IGSF11: variants seen among roughly 807,000 people sequenced by gnomAD.
IGSF11 encodes the protein CXADR like 1.
IGSF11 carries 22 observed loss-of-function variants against 41.0 expected under a neutral mutation model. The ratio of observed to expected loss-of-function variants is 0.54; its 90% CI spans 0.38 to 0.77. The LOEUF is 0.77. Among genes scored for constraint, IGSF11 ranks in the 30% least tolerant of loss-of-function variants. IGSF11 has a pLI of 0.00. For synonymous variants in IGSF11, 219 were observed against 201.3 expected (o/e 1.09, Z -0.74); for missense variants, 444 against 530.8 (o/e 0.84, Z 1.61).
intron 1 of IGSF11, among the ~76,000 whole-genome samples, chr3:119,055,540 C>A (rs778115818): frequency 4.6e-5 from 7 of 152,188 alleles, no homozygotes; most frequent in Non-Finnish European, 8.8e-5. Flanking sequence ...TAACAACCCA[C>A]TGTCAACATT....
intron 1 of IGSF11, among the ~76,000 whole-genome samples, chr3:118,977,870 C>A (rs1314011173): frequency 6.6e-6 from 1 of 152,176 alleles, no homozygotes; most frequent in African/African-American, 2.4e-5. Context: ...GCCTAGCCCA[C>A]AATGGACTAC....
At chr3:119,066,189 T>G (rs1942228794) in intron 1 of IGSF11, among the ~76,000 whole-genome samples, 1 of 152,190 alleles carries the variant, frequency 6.6e-6, no homozygotes, top group African/African-American at 2.4e-5. Context: ...GATTAACTGA[T>G]CCAGGATGAT....
At chr3:119,109,575 G>C (rs546797481), upstream of IGSF11, among the ~76,000 whole-genome samples, 66 of 152,134 alleles carry the variant, frequency 4.3e-4, no homozygotes, top group African/African-American at 1.5e-3. Context: ...AGGGTTTTTT[G>C]TGTCTCTATT....
chr3:119,078,069 G>A (rs1480585174), intron 1 of IGSF11, among the ~76,000 whole-genome samples: 4 of 151,972 alleles, frequency 2.6e-5, no homozygotes, highest in Non-Finnish European at 2.9e-5. Context: ...AGAAAACATC[G>A]ATATTATTAA....
intron 1 of IGSF11, among the ~76,000 whole-genome samples, chr3:119,001,966 T>C (rs1333873785): frequency 1.5e-5 from 2 of 135,990 alleles, no homozygotes; most frequent in Non-Finnish European, 3.1e-5. Flanking sequence ...GCATGATTTA[T>C]AGTCCTTTGG....
At chr3:118,977,854 T>C (rs945193463) in intron 1 of IGSF11, among the ~76,000 whole-genome samples, 1 of 152,144 alleles carries the variant, frequency 6.6e-6, no homozygotes, top group East Asian at 1.9e-4. Flanking sequence ...CAGTGCCATT[T>C]TAAGAGCCTA....
At chr3:118,935,375 T>TACACACAC (rs551306391) in intron 1 of IGSF11, among the ~76,000 whole-genome samples, 72 of 113,526 alleles carry the variant, frequency 6.3e-4, no homozygotes, top group Middle Eastern at 4.1e-3. Flanking sequence ...CTGAGATATA[T>TACACACAC]ACACACACAC....
chr3:118,955,549 T>C (rs1021756901), intron 1 of IGSF11, among the ~76,000 whole-genome samples: 1 of 152,146 alleles, frequency 6.6e-6, no homozygotes, highest in Non-Finnish European at 1.5e-5. Flanking sequence ...TTAATCTCCT[T>C]GTACAGCTCC....
intron 1 of IGSF11, among the ~76,000 whole-genome samples, chr3:118,952,388 T>C (rs1944640035): frequency 1.3e-5 from 2 of 152,180 alleles, no homozygotes; most frequent in Non-Finnish European, 1.5e-5. Flanking sequence ...CAGCAGAAAC[T>C]CTTTCAAAAT....
intron 1 of IGSF11, chr3:119,013,203 AAGTCCATCCTTCT>A (rs1938330189): frequency 6.6e-6 from 1 of 152,226 alleles, no homozygotes; most frequent in Non-Finnish European, 1.5e-5. Context: ...GAAGTTCAGC[AAGTCCATCCTTCT>A]AGGCTCACTT....
chr3:118,914,168 T>C (rs956955039), intron 4 of IGSF11, among the ~76,000 whole-genome samples: 9 of 152,002 alleles, frequency 5.9e-5, no homozygotes, highest in African/African-American at 2.2e-4. Flanking sequence ...AAAAATATTA[T>C]AAAGAATATT....
At chr3:118,914,155 A>G (rs1940733054) in intron 4 of IGSF11, among the ~76,000 whole-genome samples, 1 of 152,238 alleles carries the variant, frequency 6.6e-6, no homozygotes, top group African/African-American at 2.4e-5. Context: ...AAAGTAGAGG[A>G]GAAAAAATAT....
upstream of IGSF11, among the ~76,000 whole-genome samples, chr3:119,107,370 CT>C (rs1359822921): frequency 6.6e-6 from 1 of 152,224 alleles, no homozygotes; most frequent in East Asian, 1.9e-4. Context: ...TGTCTTTTGG[CT>C]GCATAAATGT....
chr3:119,030,853 G>T (rs953247727), intron 1 of IGSF11, among the ~76,000 whole-genome samples: 8 of 152,100 alleles, frequency 5.3e-5, no homozygotes, highest in African/African-American at 1.9e-4. Flanking sequence ...TTAGAAAACA[G>T]AAATTCAGCA....
Position 119,110,368 on chromosome 3 carries a change from C to A in IGSF11, c.-13-5163G>T, listed in dbSNP as rs1021998232. ...AATGGCCTTCTTTGTCTCTTTTGAT[C>A]TTTGTTGGTTTAAAGTCTGTTTTAT... On this transcript the variant is annotated intron_variant, in intron 1 of 7. Transcript: ENST00000425327. Among the ~76,000 whole-genome samples the A allele has an allele frequency of 3.9e-5, 6 of 152,124 alleles. 1 individual carries two copies. Among genetic ancestry groups the A allele is most frequent in the East Asian group, 3.9e-4 (2 of 5,176 alleles).
chr3:119,050,413 C>G (rs1352240946), intron 1 of IGSF11, among the ~76,000 whole-genome samples: 1 of 152,182 alleles, frequency 6.6e-6, no homozygotes, highest in Non-Finnish European at 1.5e-5. Flanking sequence ...CATCACTAGC[C>G]ATCAGAGAAA....
chr3:119,032,634 TC>T (rs927833676), intron 1 of IGSF11, among the ~76,000 whole-genome samples: 2 of 152,194 alleles, frequency 1.3e-5, no homozygotes, highest in African/African-American at 4.8e-5. Context: ...TTCAGGCTGT[TC>T]CTTTGGTTAA....
At chr3:119,124,511 A>G (rs1271165345) in intron 1 of IGSF11, among the ~76,000 whole-genome samples, 1 of 150,548 alleles carries the variant, frequency 6.6e-6, no homozygotes, top group South Asian at 2.1e-4. Flanking sequence ...AGAGTTCGAG[A>G]CCAGCCTGGC....
chr3:119,125,575 G>C (rs1251137595), intron 1 of IGSF11, among the ~76,000 whole-genome samples: 3 of 152,136 alleles, frequency 2.0e-5, no homozygotes, highest in Non-Finnish European at 4.4e-5. Context: ...TACATTCACA[G>C]GGATGGGGAA....
Sources: allele counts gnomAD v4.1 joint callset (sites outside exome capture counted in the v4.1 genomes callset), GRCh38; gene constraint gnomAD v4.1.1; transcripts MANE v1.5; gene names NCBI Gene and HGNC (gene_info 2026-07-23, HGNC 2026-07-21).